Variants in ELAVL4 observed in about 807,000 individuals in gnomAD.
ELAVL4 encodes ELAV-like protein 4.
A neutral mutation model predicts 35.6 loss-of-function variants in ELAVL4; 1 was observed. The ratio of observed to expected loss-of-function variants is 0.03; its 90% CI spans 0.01 to 0.13. The LOEUF (loss-of-function observed/expected upper bound fraction) is 0.13, where lower values mean the gene tolerates loss of function less well. Among genes scored for constraint, ELAVL4 ranks in the 10% least tolerant of loss-of-function variants. The pLI is 1.00. For synonymous variants in ELAVL4, 156 were observed against 171.0 expected (o/e 0.91, Z 0.69); for missense variants, 267 against 464.9 (o/e 0.57, Z 3.91).
At chr1:50,127,432 A>G (rs1670126210) in intron 1 of ELAVL4, among the ~76,000 whole-genome samples, 2 of 152,112 alleles carry the variant, frequency 1.3e-5, no homozygotes, top group African/African-American at 4.8e-5. Flanking sequence ...GTCTTGCAAA[A>G]TGGCAGGGTA....
chr1:50,051,872 A>C (rs2148468482), intron 1 of ELAVL4, among the ~76,000 whole-genome samples: 2 of 152,348 alleles, frequency 1.3e-5, no homozygotes, highest in South Asian at 2.1e-4. Flanking sequence ...GGAGGCTAGA[A>C]GTTCAAGATG....
At chr1:50,080,166 A>G (rs1664944070) in intron 1 of ELAVL4, among the ~76,000 whole-genome samples, 1 of 152,186 alleles carries the variant, frequency 6.6e-6, no homozygotes, top group Admixed American at 6.6e-5. Context: ...CATTGCTAAC[A>G]TTAACAATTC....
At chr1:50,105,860 A>G (rs1259046590), upstream of ELAVL4, 1 of 157,112 alleles carries the variant, frequency 6.4e-6, no homozygotes, top group Non-Finnish European at 1.4e-5. Context: ...AGTGCTTTGC[A>G]AAGGATTCTA....
chr1:50,170,630 A>G (rs1678833267), intron 2 of ELAVL4, among the ~76,000 whole-genome samples: 1 of 152,172 alleles, frequency 6.6e-6, no homozygotes, highest in South Asian at 2.1e-4. Context: ...TTGTGGAAGT[A>G]CAGATTTTGA....
intron 3 of ELAVL4, among the ~76,000 whole-genome samples, chr1:50,188,578 G>A (rs1315047338): frequency 1.3e-5 from 2 of 152,102 alleles, no homozygotes; most frequent in East Asian, 3.9e-4. Flanking sequence ...GGACACAGTG[G>A]GCTCCATAAC....
chr1:50,052,710 A>G (rs1663449216), intron 1 of ELAVL4, among the ~76,000 whole-genome samples: 1 of 152,212 alleles, frequency 6.6e-6, no homozygotes, highest in Non-Finnish European at 1.5e-5. Context: ...CTCAAATCAG[A>G]GTCTGGCAAT....
At chr1:50,190,977 G>A (rs188268829) in intron 3 of ELAVL4, among the ~76,000 whole-genome samples, 5 of 152,134 alleles carry the variant, frequency 3.3e-5, no homozygotes, top group East Asian at 1.9e-4. Context: ...TCTCCTTCCC[G>A]GCCCTTTTAA....
At chr1:50,054,044 A>C (rs1663534117) in intron 1 of ELAVL4, among the ~76,000 whole-genome samples, 1 of 152,220 alleles carries the variant, frequency 6.6e-6, no homozygotes, top group Non-Finnish European at 1.5e-5. Context: ...AAGTTACAGC[A>C]AGGAGGTCAG....
At chr1:50,077,987 G>A (rs1254462127) in intron 1 of ELAVL4, among the ~76,000 whole-genome samples, 2 of 152,114 alleles carry the variant, frequency 1.3e-5, no homozygotes, top group Non-Finnish European at 2.9e-5. Flanking sequence ...TCTGTCACTA[G>A]CCTACATGAC....
At chr1:50,200,662 C>G in intron 6 of ELAVL4, 189 bp from the exon 7 acceptor site, 1 of 1,197,628 alleles carries the variant, frequency 8.3e-7, no homozygotes, top group Non-Finnish European at 1.2e-6. Flanking sequence ...CATGCCCTAG[C>G]CAGTCAAGCC....
intron 3 of ELAVL4, among the ~76,000 whole-genome samples, chr1:50,185,018 T>C (rs1681613406): frequency 6.6e-6 from 1 of 152,230 alleles, no homozygotes; most frequent in Non-Finnish European, 1.5e-5. Flanking sequence ...TTTGAAGTGC[T>C]CAGTAGCCAC....
chr1:50,130,878 T>C (rs1393766120), intron 1 of ELAVL4, among the ~76,000 whole-genome samples: 1 of 152,158 alleles, frequency 6.6e-6, no homozygotes, highest in Non-Finnish European at 1.5e-5. Flanking sequence ...CATCATTAAA[T>C]TGTGTCTCAT....
intron 1 of ELAVL4, among the ~76,000 whole-genome samples, chr1:50,057,582 T>C (rs962480626): frequency 1.3e-5 from 2 of 152,242 alleles, no homozygotes; most frequent in African/African-American, 4.8e-5. Context: ...TACTGTACTT[T>C]TTCTATGTTT....
chr1:50,180,665 C>T (rs565541062), intron 3 of ELAVL4: 3 of 152,180 alleles, frequency 2.0e-5, no homozygotes, highest in African/African-American at 7.2e-5. Flanking sequence ...GGGAATTGTT[C>T]TTTGGGTTAT....
At chr1:50,169,426 T>A (rs556085915) in intron 2 of ELAVL4, among the ~76,000 whole-genome samples, 2 of 152,226 alleles carry the variant, frequency 1.3e-5, no homozygotes, top group South Asian at 2.1e-4. Context: ...AAATCGCAAC[T>A]CCACCCCCTA....
At chr1:50,054,674 C>A (rs1040036084) in intron 1 of ELAVL4, among the ~76,000 whole-genome samples, 2 of 151,906 alleles carry the variant, frequency 1.3e-5, no homozygotes, top group African/African-American at 4.8e-5. Context: ...TTAATTTGAT[C>A]CTCACAGCAA....
At chr1:50,168,134 C>T (rs1036849802) in intron 2 of ELAVL4, among the ~76,000 whole-genome samples, 4 of 152,160 alleles carry the variant, frequency 2.6e-5, no homozygotes, top group African/African-American at 9.7e-5. Flanking sequence ...GCATAGTGTG[C>T]AGAACCATCT....
chr1:50,176,817 C>A (rs1179649395), intron 2 of ELAVL4, among the ~76,000 whole-genome samples: 1 of 152,210 alleles, frequency 6.6e-6, no homozygotes, highest in Non-Finnish European at 1.5e-5. Context: ...TTGTGTATCT[C>A]TTGTGTGGCT....
chr1:50,051,681 G>A (rs1379960374), intron 1 of ELAVL4, among the ~76,000 whole-genome samples: 1 of 152,128 alleles, frequency 6.6e-6, no homozygotes, highest in Non-Finnish European at 1.5e-5. Flanking sequence ...CTGCATAAAT[G>A]AGGCATCTAT....
Sources: allele counts gnomAD v4.1 joint callset (sites outside exome capture counted in the v4.1 genomes callset), GRCh38; gene constraint gnomAD v4.1.1; transcripts MANE v1.5; gene names NCBI Gene and HGNC (gene_info 2026-07-23, HGNC 2026-07-21).